Variants in CCDC122 observed in about 807,000 individuals in gnomAD.
CCDC122 encodes the protein coiled-coil domain-containing protein 122.
CCDC122 carries 38 observed loss-of-function variants against 37.0 expected under a neutral mutation model. The observed-to-expected ratio is 1.03, with a 90% CI of 0.79 to 1.35. CCDC122 has a LOEUF of 1.35. CCDC122 is among the 40% of genes most tolerant of loss of function. CCDC122 has a pLI of 0.00. For missense variants in CCDC122, 305 were observed against 310.0 expected, an observed-to-expected ratio of 0.98 and a Z score of 0.12; for synonymous variants, 83 against 95.6, an observed-to-expected ratio of 0.87 and a Z score of 0.77.
At chr13:43,869,194 A>T in intron 3 of CCDC122, 137 bp downstream of exon 3, 1 of 696,804 alleles carries the variant, frequency 1.4e-6, no homozygotes. Flanking sequence ...TAAACACTGT[A>T]TATGTTTGTC....
chr13:43,825,191 T>C (rs1412550329), intron 3 of CCDC122, among the ~76,000 whole-genome samples: 1 of 152,166 alleles, frequency 6.6e-6, no homozygotes, highest in Non-Finnish European at 1.5e-5. Context: ...TAAAATGTGG[T>C]ACATATACAC....
downstream of CCDC122, among the ~76,000 whole-genome samples, chr13:43,822,661 C>A (rs1298865057): frequency 6.6e-6 from 1 of 152,210 alleles, no homozygotes; most frequent in African/African-American, 2.4e-5. Context: ...CAATACAAAG[C>A]CTTTCCCACT....
At chr13:43,829,547 CT>C in intron 3 of CCDC122, among the ~76,000 whole-genome samples, 1 of 152,100 alleles carries the variant, frequency 6.6e-6, no homozygotes, top group Non-Finnish European at 1.5e-5. Context: ...CTCAAGTGAT[CT>C]GCCTGCCTTG....
chr13:43,855,105 AG>A (rs1953862726), intron 6 of CCDC122: 1 of 152,204 alleles, frequency 6.6e-6, no homozygotes, highest in Non-Finnish European at 1.5e-5. Context: ...TACTTGACAT[AG>A]TATTCGAAGT....
chr13:43,865,189 T>C (rs1436988470), intron 4 of CCDC122, among the ~76,000 whole-genome samples: 1 of 152,160 alleles, frequency 6.6e-6, no homozygotes, highest in East Asian at 1.9e-4. Context: ...ATTCTAAAAA[T>C]GCTCAAACCT....
At chr13:43,829,937 G>A (rs772360622) in intron 3 of CCDC122, among the ~76,000 whole-genome samples, 9 of 152,232 alleles carry the variant, frequency 5.9e-5, no homozygotes, top group South Asian at 2.1e-4. Flanking sequence ...ATGCAGTGGC[G>A]TGATCTCAGC....
chr13:43,872,321 C>T (rs905145045), intron 2 of CCDC122, among the ~76,000 whole-genome samples: 9 of 152,182 alleles, frequency 5.9e-5, no homozygotes, highest in Admixed American at 5.2e-4. Context: ...CTGGAAGAAT[C>T]TCAACCAGCT....
chr13:43,848,993 A>G (rs1953635704), intron 6 of CCDC122: 2 of 960,852 alleles, frequency 2.1e-6, no homozygotes, highest in Non-Finnish European at 2.5e-6. Flanking sequence ...TTAATGATCG[A>G]TTCTCATCAT....
chr13:43,835,024 G>A (rs1261387007), downstream of CCDC122, among the ~76,000 whole-genome samples: 11 of 151,794 alleles, frequency 7.2e-5, no homozygotes, highest in Admixed American at 1.3e-4. Context: ...TGTTTATTGC[G>A]GCACTATTCA....
chr13:43,873,313 G>A (rs1954504131), intron 2 of CCDC122, among the ~76,000 whole-genome samples: 1 of 152,014 alleles, frequency 6.6e-6, no homozygotes, highest in Admixed American at 6.6e-5. Flanking sequence ...AACTCCATTT[G>A]GATTTTTAAT....
At chr13:43,835,603 G>A (rs1953143051), downstream of CCDC122, among the ~76,000 whole-genome samples, 1 of 152,078 alleles carries the variant, frequency 6.6e-6, no homozygotes, top group African/African-American at 2.4e-5. Context: ...ATTATCTTAA[G>A]CAGATTACAG....
At chr13:43,844,614 CTCTT>C (rs1953457882) in intron 6 of CCDC122, among the ~76,000 whole-genome samples, 1 of 151,890 alleles carries the variant, frequency 6.6e-6, no homozygotes, top group Non-Finnish European at 1.5e-5. Flanking sequence ...ATAGATCTGT[CTCTT>C]TTTTTCTTTG....
At position 43,837,303 on chromosome 13, in the gene CCDC122, T is replaced by C. The variant is rs1332414842; in HGVS notation, c.799A>G (p.Lys267Glu). Residue 267 changes from lysine to glutamate, a missense_variant, in exon 7 of 7, where the codon AAA (lysine) becomes GAA (glutamate). Transcript: ENST00000444614. ...QLEKTAAELR[K>E]CIGMQE ...TGTTACTCTTGCATTCCAATGCATTTTCTTAATTCGGCTGCAGTTTTTTCC... is the reference window on the plus strand; with the variant it reads ...TGTTACTCTTGCATTCCAATGCATTCTCTTAATTCGGCTGCAGTTTTTTCC... 3.1e-6 allele frequency: 5 copies of C among 1,613,908 alleles called. No homozygotes were observed. In the African/African-American group the frequency reaches 4.0e-5, roughly 13 times the overall value.
chr13:43,868,723 T>A lies in CCDC122; in HGVS notation c.127A>T (p.Lys43Ter). Reference sequence around the variant, plus strand: ...AAATTGAACAGAACCTTTTTGTTTTTTTCTATCTCTGATGCTTGTGATTGT... The same window carrying A: ...AAATTGAACAGAACCTTTTTGTTTTATTCTATCTCTGATGCTTGTGATTGT... ...QQQSQASEIE[K>*]NKKVLFNLKN... is the part of the protein sequence containing the mutation. Residue 43 changes from lysine to a stop codon, truncating the protein, a stop_gained, in exon 4 of 7, where the codon AAA (lysine) becomes TAA (stop). Coordinates refer to ENST00000444614, the MANE Select transcript of CCDC122 (RefSeq NM_144974.5). LOFTEE classifies it high-confidence loss of function. The A allele has an allele frequency of 6.4e-7, 1 of 1,560,072 alleles. No individual in the cohort carries two copies. Among genetic ancestry groups the A allele is most frequent in the Non-Finnish European group, 8.7e-7 (1 of 1,153,022 alleles).
chr13:43,858,395 A>G (rs1428863166), intron 6 of CCDC122: 1 of 152,332 alleles, frequency 6.6e-6, no homozygotes, highest in Non-Finnish European at 1.5e-5. Flanking sequence ...GTTTGGAAAG[A>G]CGATGCTTTC....
intron 6 of CCDC122, among the ~76,000 whole-genome samples, chr13:43,856,968 AG>A (rs993935869): frequency 2.0e-5 from 3 of 152,218 alleles, no homozygotes; most frequent in Admixed American, 6.5e-5. Flanking sequence ...AAAAATTAAA[AG>A]GTAATTTCAC....
At chr13:43,844,094 AT>A (rs1953441094) in intron 6 of CCDC122, among the ~76,000 whole-genome samples, 1 of 151,114 alleles carries the variant, frequency 6.6e-6, no homozygotes, top group South Asian at 2.1e-4. Flanking sequence ...TGCTGAATTT[AT>A]TTTTCTAGTC....
At chr13:43,832,575 T>A (rs1202155712), downstream of CCDC122, among the ~76,000 whole-genome samples, 1 of 152,218 alleles carries the variant, frequency 6.6e-6, no homozygotes, top group Admixed American at 6.5e-5. Flanking sequence ...CATGAACTGT[T>A]ACCTATGCAT....
At chr13:43,824,132 A>C (rs1953017717) in intron 3 of CCDC122, 1 of 152,232 alleles carries the variant, frequency 6.6e-6, no homozygotes. Flanking sequence ...ATGAGTGAAC[A>C]ATATGCTATG....
Sources: allele counts gnomAD v4.1 joint callset (sites outside exome capture counted in the v4.1 genomes callset), GRCh38; gene constraint gnomAD v4.1.1; transcripts MANE v1.5; gene names NCBI Gene and HGNC (gene_info 2026-07-23, HGNC 2026-07-21).